The following PCNX1 variants were observed in gnomAD, a reference collection of about 807,000 sequenced individuals.
PCNX1 encodes the protein pecanex-like protein 1.
Under a neutral mutation model 242.2 loss-of-function variants are expected in PCNX1, and 78 were observed. The ratio of observed to expected loss-of-function variants is 0.32; its 90% CI spans 0.27 to 0.39. PCNX1 has a LOEUF of 0.39. Among genes scored for constraint, PCNX1 ranks in the 10% least tolerant of loss-of-function variants. The pLI is 1.00. For synonymous variants in PCNX1, 1,024 were observed against 1,032.9 expected (o/e 0.99, Z 0.17); for missense variants, 2,581 against 2,856.5 (o/e 0.90, Z 2.20).
chr14:70,918,168 C>T (rs2526872), intron 1 of PCNX1, among the ~76,000 whole-genome samples: 106,674 of 152,106 alleles, frequency 0.7, 37,396 homozygotes, highest in South Asian at 0.76. Context: ...CAATGTTATT[C>T]ATTTGTGTGT....
intron 11 of PCNX1, among the ~76,000 whole-genome samples, chr14:71,015,362 A>G (rs1298397155): frequency 1.3e-5 from 2 of 152,262 alleles, no homozygotes; most frequent in Admixed American, 1.3e-4. Flanking sequence ...AATGAAAATA[A>G]CAGTGCTTCG....
intron 2 of PCNX1, among the ~76,000 whole-genome samples, chr14:70,949,399 G>GTA (rs147134357): frequency 0.63 from 94,592 of 149,622 alleles, 30,187 homozygotes; most frequent in South Asian, 0.72. Flanking sequence ...ATATGTGTGT[G>GTA]TGTGTACATA....
chr14:70,966,525 C>T (rs2058383307), intron 3 of PCNX1, among the ~76,000 whole-genome samples: 1 of 152,158 alleles, frequency 6.6e-6, no homozygotes, highest in Non-Finnish European at 1.5e-5. Context: ...AGACGTTTTC[C>T]TGAAGCCCTC....
At chr14:71,032,756 T>C (rs970469427) in intron 16 of PCNX1, among the ~76,000 whole-genome samples, 1 of 152,236 alleles carries the variant, frequency 6.6e-6, no homozygotes, top group African/African-American at 2.4e-5. Flanking sequence ...AGTTAGTGTA[T>C]TGCCCATTCT....
chr14:70,999,223 G>A (rs1362682962), intron 8 of PCNX1, among the ~76,000 whole-genome samples: 1 of 152,108 alleles, frequency 6.6e-6, no homozygotes, highest in East Asian at 1.9e-4. Context: ...CTAATAAGTT[G>A]ATGCAGTGAT....
intron 1 of PCNX1, among the ~76,000 whole-genome samples, chr14:70,921,865 T>A (rs1258864468): frequency 6.6e-6 from 1 of 152,174 alleles, no homozygotes; most frequent in Non-Finnish European, 1.5e-5. Context: ...GCAAACATTA[T>A]GACACATCAC....
At chr14:70,969,818 TAA>T (rs1566636845) in intron 5 of PCNX1, 1 of 151,574 alleles carries the variant, frequency 6.6e-6, no homozygotes, top group African/African-American at 2.4e-5. Context: ...ACTAAAAATA[TAA>T]AAATTATCCA....
chr14:70,949,252 TACAC>T (rs369132301), intron 2 of PCNX1, among the ~76,000 whole-genome samples: 4 of 72,708 alleles, frequency 5.5e-5, no homozygotes, highest in South Asian at 4.6e-4. Context: ...CACACGTGTA[TACAC>T]ACACACGTGT....
At chr14:71,096,845 A>T (rs1317010412) in intron 30 of PCNX1, among the ~76,000 whole-genome samples, 3 of 152,178 alleles carry the variant, frequency 2.0e-5, no homozygotes, top group Non-Finnish European at 2.9e-5. Context: ...CAGATGGAAA[A>T]AGGGAAGTAG....
At chr14:71,077,840 A>C (rs1309406886) in intron 28 of PCNX1, among the ~76,000 whole-genome samples, 2 of 152,184 alleles carry the variant, frequency 1.3e-5, no homozygotes, top group African/African-American at 2.4e-5. Context: ...TGGGGAGAGT[A>C]ATGGGAACAG....
intron 30 of PCNX1, among the ~76,000 whole-genome samples, chr14:71,095,442 A>G (rs2062249150): frequency 6.6e-6 from 1 of 152,194 alleles, no homozygotes. Context: ...ATTCTTTTGA[A>G]AACTTTTACC....
At chr14:71,060,795 A>T (rs2061307592) in intron 26 of PCNX1, 1 of 152,238 alleles carries the variant, frequency 6.6e-6, no homozygotes, top group Admixed American at 6.5e-5. Context: ...TGAAGACCAG[A>T]CACAGAAGCA....
chr14:70,949,322 C>T (rs891919635), intron 2 of PCNX1, among the ~76,000 whole-genome samples: 2 of 134,644 alleles, frequency 1.5e-5, no homozygotes, highest in African/African-American at 5.6e-5. Context: ...TAGATACACA[C>T]GTGTATACAC....
chr14:70,956,736 G>A (rs1025093156), intron 2 of PCNX1, among the ~76,000 whole-genome samples: 43 of 152,232 alleles, frequency 2.8e-4, no homozygotes, highest in African/African-American at 1.0e-3. Context: ...TGCTGAGGAG[G>A]TATTATTTCT....
intron 19 of PCNX1, among the ~76,000 whole-genome samples, chr14:71,042,758 TTTTG>T (rs1308133406): frequency 3.3e-5 from 5 of 152,180 alleles, no homozygotes; most frequent in Non-Finnish European, 1.5e-5. Flanking sequence ...ACTCCCATCA[TTTTG>T]TTCATTGTTT....
In PCNX1 at chr14:70,969,043, T is replaced by G; in HGVS notation, c.537T>G (p.Thr179=). 2 of 1,608,120 alleles carry G rather than the reference T, an allele frequency of 1.2e-6. No individual in the cohort carries two copies. Among genetic ancestry groups the G allele is most frequent in the Non-Finnish European group, 1.7e-6 (2 of 1,174,670 alleles). The change falls in exon 5 of 36, where the codon ACT becomes ACG. Residue 179 remains threonine, a synonymous_variant. Coordinates refer to ENST00000304743, the MANE Select transcript of PCNX1 (RefSeq NM_014982.3). The part of the protein sequence containing the change: ...TIKGDTDTAK[T]SDDISLSLGQ... ...TAGGAGATACAGACACTGCTAAGAC[T>G]TCTGATGATATCAGTTTAAGTCTGG... is the stretch of plus-strand genomic sequence containing the variant.
rs1037566229 is a variant in PCNX1 at position 71,033,506 on chromosome 14, C to T, written c.3636C>T (p.Leu1212=). ...CGLLVAVSYH[L]SRQSSDPSVL... ...TATTAGTGGCAGTGTCTTACCATCT[C>T]AGCCGACAAAGCAGTGATCCATCTG... Residue 1212 remains leucine (L), a synonymous_variant, in exon 17 of 36, where the codon CTC becomes CTT. Coordinates refer to ENST00000304743, the MANE Select transcript of PCNX1 (RefSeq NM_014982.3). 2 of 1,602,234 alleles carry T rather than the reference C, an allele frequency of 1.2e-6. No individual in the cohort carries two copies.
chr14:70,995,354 A>C (rs2059317593), intron 7 of PCNX1, among the ~76,000 whole-genome samples: 1 of 152,254 alleles, frequency 6.6e-6, no homozygotes, highest in African/African-American at 2.4e-5. Context: ...TATAAATGAA[A>C]GTGCATATTT....
In PCNX1 at chr14:71,088,443, T is replaced by C. The variant is rs984169782; in HGVS notation, c.5438+13T>C. ...ATCATATGTCCAGGTAAAGAAGGCA[T>C]TTCTGTTCTGAGGAAGAGAGCATGG... On this transcript the variant is annotated intron_variant, in intron 29 of 35. Coordinates refer to ENST00000304743, the MANE Select transcript of PCNX1 (RefSeq NM_014982.3). The C allele has an allele frequency of 2.0e-6, 3 of 1,508,476 alleles. No homozygotes were observed. Among genetic ancestry groups the C allele is most frequent in the Non-Finnish European group, 2.8e-6 (3 of 1,084,408 alleles). The allele number at this position is 1,508,476 out of a possible 1,614,324, so 93.4% of individuals were successfully genotyped here.
Sources: allele counts gnomAD v4.1 joint callset (sites outside exome capture counted in the v4.1 genomes callset), GRCh38; gene constraint gnomAD v4.1.1; transcripts MANE v1.5; gene names NCBI Gene and HGNC (gene_info 2026-07-23, HGNC 2026-07-21).